Variants in USP33 observed in about 807,000 individuals in gnomAD.
USP33 encodes the protein ubiquitin carboxyl-terminal hydrolase 33.
A neutral mutation model predicts 124.2 loss-of-function variants in USP33; 46 were observed. That is an observed-to-expected ratio of 0.37 (90% CI 0.29 to 0.47). USP33 has a LOEUF of 0.47. Among genes scored for constraint, USP33 ranks in the 20% least tolerant of loss-of-function variants. The pLI is 0.99. For missense variants in USP33, 851 were observed against 1,070.6 expected, an observed-to-expected ratio of 0.79 and a Z score of 2.86; for synonymous variants, 350 against 352.3, an observed-to-expected ratio of 0.99 and a Z score of 0.07.
In USP33 at chr1:77,729,904, C is replaced by A. The variant is rs922172305; in HGVS notation, c.673G>T (p.Gly225Ter). The A allele has an allele frequency of 1.9e-6, 3 of 1,613,750 alleles. No individual in the cohort carries two copies. The highest frequency in any genetic ancestry group is 2.5e-6 in the Non-Finnish European group (3 of 1,179,860). The change falls in exon 9 of 24, where the codon GGA becomes TGA. Residue 225 changes from glycine to a stop codon, truncating the protein, a stop_gained. Coordinates refer to ENST00000370794, the MANE Select transcript of USP33 (RefSeq NM_201624.3). LOFTEE classifies it high-confidence loss of function. ...GSVVPTTLFQ[G>*]IKTVNPTFRG... ...AATGTTGGATTTACAGTTTTAATTC[C>A]TTGAAACAGAGTAGTAGGCACAACA...
Position 77,735,039 on chromosome 1 carries a change from T to C in USP33, c.455-623A>G, listed in dbSNP as rs576507613. Among the ~76,000 whole-genome samples the C allele has an allele frequency of 7.3e-5, 11 of 151,688 alleles. No individual in the cohort carries two copies. In the East Asian group the frequency reaches 1.6e-3, roughly 21 times the overall value. On this transcript the variant is annotated intron_variant, in intron 6 of 23. Transcript: ENST00000370794. Reference sequence around the variant, plus strand: ...TCGGGAGGCTGAAGCAGGAGAATGGTGTGAACCCAGGAGGCGGAGCTTGCA... The same window carrying C: ...TCGGGAGGCTGAAGCAGGAGAATGGCGTGAACCCAGGAGGCGGAGCTTGCA...
chr1:77,740,751 T>C, intron 4 of USP33, 126 bp downstream of exon 4: 3 of 689,956 alleles, frequency 4.3e-6, no homozygotes, highest in Non-Finnish European at 7.7e-6. Flanking sequence ...ACAGAGAATG[T>C]AAGTGAAGTT....
intron 1 of USP33, among the ~76,000 whole-genome samples, chr1:77,750,799 C>T (rs1680262666): frequency 1.3e-5 from 2 of 152,026 alleles, no homozygotes; most frequent in East Asian, 1.9e-4. Context: ...ATTTTCTTTG[C>T]CTAGTTTTAC....
chr1:77,735,882 A>T (rs1332497937), intron 6 of USP33, among the ~76,000 whole-genome samples, 174 bp downstream of exon 6: 1 of 152,096 alleles, frequency 6.6e-6, no homozygotes, highest in Non-Finnish European at 1.5e-5. Flanking sequence ...AACTGACACC[A>T]GAGAAACCAA....
intron 10 of USP33, among the ~76,000 whole-genome samples, chr1:77,727,254 C>T (rs867755001): frequency 6.6e-6 from 1 of 152,132 alleles, no homozygotes; most frequent in Non-Finnish European, 1.5e-5. Context: ...CCTTAAAACA[C>T]CTAAAAGCTC....
intron 1 of USP33, among the ~76,000 whole-genome samples, chr1:77,744,705 C>T (rs1239083823): frequency 4.6e-5 from 7 of 151,994 alleles, no homozygotes; most frequent in African/African-American, 1.7e-4. Context: ...ATCATCCAGG[C>T]ATGGTGGCAC....
rs756510425 is a variant in USP33 at position 77,696,356 on chromosome 1, T to C, written c.*961A>G. On this transcript the variant is annotated 3_prime_UTR_variant, in exon 24 of 24. Coordinates refer to ENST00000370794, the MANE Select transcript of USP33 (RefSeq NM_201624.3). The stretch of plus-strand genomic sequence containing the variant: ...ATTAATACTAACCAGGTTACAGGAA[T>C]TGAAGTTTAACATTGTACAATATAA... 2.0e-4 allele frequency: 31 copies of C among 152,748 alleles called. No homozygotes were observed. The highest frequency in any genetic ancestry group is 4.6e-4 in the Admixed American group (7 of 15,296). The allele number at this position is 152,748 out of a possible 1,614,324, so 9.5% of individuals were successfully genotyped here. A position where few individuals can be genotyped will look rare whatever the true frequency, so the allele number is the denominator to read the frequency against.
At position 77,696,614 on chromosome 1, in the gene USP33, T is replaced by G. The variant is rs1458924966; in HGVS notation, c.*703A>C. On this transcript the variant is annotated 3_prime_UTR_variant, in exon 24 of 24. Coordinates refer to ENST00000370794, the MANE Select transcript of USP33 (RefSeq NM_201624.3). ...ATGAAGCCATGACAAAACTATACAA[T>G]TAAATTGGGCTTTTGGAGAACTGAA... 3 of 152,234 alleles carry G rather than the reference T, an allele frequency of 2.0e-5. No individual in the cohort carries two copies. The highest frequency in any genetic ancestry group is 4.4e-5 in the Non-Finnish European group (3 of 68,040). 9.4% of individuals were successfully genotyped at this position (152,234 alleles called of 1,614,324 possible). A position where few individuals can be genotyped will look rare whatever the true frequency, so the allele number is the denominator to read the frequency against.
At chr1:77,735,085 T>C (rs1014214185) in intron 6 of USP33, among the ~76,000 whole-genome samples, 3 of 151,170 alleles carry the variant, frequency 2.0e-5, no homozygotes, top group Non-Finnish European at 2.9e-5. Context: ...ATTGCACCAC[T>C]GCACTCCAGC....
At chr1:77,715,629 G>A in intron 18 of USP33, 113 bp downstream of exon 18, 2 of 1,230,340 alleles carry the variant, frequency 1.6e-6, no homozygotes, top group African/African-American at 1.5e-5. Flanking sequence ...TAATGAAATA[G>A]GAGGAAAACA....
At chr1:77,743,340 A>T (rs149574041) in intron 1 of USP33, among the ~76,000 whole-genome samples, 192 of 152,300 alleles carry the variant, frequency 1.3e-3, no homozygotes, top group Non-Finnish European at 2.4e-3. Flanking sequence ...TCTAGGGTAC[A>T]TGTGCACAAT....
chr1:77,710,605 A>C (rs1416036546), intron 21 of USP33, among the ~76,000 whole-genome samples: 1 of 152,244 alleles, frequency 6.6e-6, no homozygotes, highest in African/African-American at 2.4e-5. Context: ...TACTTTAGGC[A>C]AGGGCACAAA....
intron 5 of USP33, among the ~76,000 whole-genome samples, chr1:77,738,284 G>A (rs1271187890): frequency 1.3e-5 from 2 of 152,052 alleles, no homozygotes; most frequent in Admixed American, 1.3e-4. Context: ...TAACACACAT[G>A]AGGAAAAAAA....
intron 1 of USP33, among the ~76,000 whole-genome samples, chr1:77,756,338 C>T (rs1680801453): frequency 6.6e-6 from 1 of 152,064 alleles, no homozygotes; most frequent in African/African-American, 2.4e-5. Flanking sequence ...TAAATTGAGG[C>T]TTTTATTTCA....
chr1:77,721,405 A>C, intron 14 of USP33, 200 bp from the exon 15 acceptor site: 2 of 596,688 alleles, frequency 3.4e-6, no homozygotes, highest in East Asian at 2.8e-5. Flanking sequence ...GACCTACCTC[A>C]AATAATATCT....
At chr1:77,740,326 C>T (rs1011615753) in intron 4 of USP33, among the ~76,000 whole-genome samples, 1 of 151,928 alleles carries the variant, frequency 6.6e-6, no homozygotes, top group African/African-American at 2.4e-5. Context: ...AATATGCCAG[C>T]TATCACCTTC....
At chr1:77,715,248 C>T (rs1247507147) in intron 18 of USP33, among the ~76,000 whole-genome samples, 4 of 152,016 alleles carry the variant, frequency 2.6e-5, no homozygotes, top group Non-Finnish European at 4.4e-5. Context: ...ACTCTGTTGC[C>T]GAGGCTGGAG....
chr1:77,715,628 A>T, intron 18 of USP33, 114 bp downstream of exon 18: 1 of 1,228,294 alleles, frequency 8.1e-7, no homozygotes, highest in Non-Finnish European at 1.1e-6. Flanking sequence ...GTAATGAAAT[A>T]GGAGGAAAAC....
chr1:77,712,173 A>G (rs1325513442), intron 20 of USP33, among the ~76,000 whole-genome samples: 1 of 152,250 alleles, frequency 6.6e-6, no homozygotes, highest in African/African-American at 2.4e-5. Flanking sequence ...TCACAGTCAT[A>G]GTCAAGTTTT....
Sources: allele counts gnomAD v4.1 joint callset (sites outside exome capture counted in the v4.1 genomes callset), GRCh38; gene constraint gnomAD v4.1.1; transcripts MANE v1.5; gene names NCBI Gene and HGNC (gene_info 2026-07-23, HGNC 2026-07-21).